PPP1R13B: variants seen among roughly 807,000 people sequenced by gnomAD.
PPP1R13B encodes apoptosis-stimulating of p53 protein 1.
PPP1R13B carries 44 observed loss-of-function variants against 119.8 expected under a neutral mutation model. That is an observed-to-expected ratio of 0.37 (90% CI 0.29 to 0.47). The LOEUF is 0.47. PPP1R13B is among the 20% of genes least tolerant of loss of function. PPP1R13B has a pLI of 0.99. For synonymous variants in PPP1R13B, 542 were observed against 561.5 expected (o/e 0.97, Z 0.49); for missense variants, 1,227 against 1,413.5 (o/e 0.87, Z 2.12).
At chr14:103,828,608 C>T (rs901032086) in intron 1 of PPP1R13B, among the ~76,000 whole-genome samples, 2 of 152,030 alleles carry the variant, frequency 1.3e-5, no homozygotes, top group Non-Finnish European at 2.9e-5. Flanking sequence ...CAGAATGCCA[C>T]GAGATCCCAC....
At chr14:103,754,561 CAAAAAAAAAAAA>C (rs771794623) in intron 5 of PPP1R13B, among the ~76,000 whole-genome samples, 10 of 41,016 alleles carry the variant, frequency 2.4e-4, no homozygotes, top group Non-Finnish European at 3.5e-4. Context: ...GACTCAGTCT[CAAAAAAAAAAAA>C]AAAAAAAAAA....
In PPP1R13B at chr14:103,753,140, T is replaced by G; in HGVS notation, c.688A>C (p.Thr230Pro). Residue 230 changes from threonine to proline, a missense_variant, in exon 7 of 17, where the codon ACT becomes CCT. Transcript: ENST00000202556. The stretch of plus-strand genomic sequence containing the variant: ...AGCTGATCAACCCTTAAAATTGCAG[T>G]CTGTACTTCCTGCTTCTTTTCCTGG... ...MFQEKKQEVQTAILRVDQLSQ... is the reference protein window; with the variant it reads ...MFQEKKQEVQPAILRVDQLSQ... 1 of 1,613,592 alleles carries G rather than the reference T, an allele frequency of 6.2e-7. No individual in the cohort carries two copies. The highest frequency in any genetic ancestry group is 8.5e-7 in the Non-Finnish European group (1 of 1,180,038).
chr14:103,806,299 A>G (rs1296086288), intron 1 of PPP1R13B, among the ~76,000 whole-genome samples: 1 of 152,192 alleles, frequency 6.6e-6, no homozygotes, highest in African/African-American at 2.4e-5. Flanking sequence ...CCAATCAGGT[A>G]AAGTATTAGA....
chr14:103,753,266 T>G (rs2084594391), intron 6 of PPP1R13B, 70 bp from the exon 7 acceptor site: 6 of 1,430,130 alleles, frequency 4.2e-6, no homozygotes, highest in Non-Finnish European at 5.7e-6. Flanking sequence ...TTCTATACAC[T>G]GAACTTAATT....
chr14:103,789,202 C>T (rs1394240745), intron 2 of PPP1R13B, among the ~76,000 whole-genome samples: 1 of 152,062 alleles, frequency 6.6e-6, no homozygotes, highest in African/African-American at 2.4e-5. Context: ...TAAAAGTGAA[C>T]TGTACTGTGT....
chr14:103,847,287 GC>G lies in PPP1R13B; in HGVS notation c.9+11del. 2.0e-6 allele frequency: 1 copy of G among 488,124 alleles called. No homozygotes were observed. The highest frequency in any genetic ancestry group is 1.5e-4 in the East Asian group (1 of 6,814). 30.2% of individuals were successfully genotyped at this position (488,124 alleles called of 1,614,324 possible). On this transcript the variant is annotated intron_variant, in intron 1 of 16. Transcript: ENST00000202556. Reference sequence around the variant, plus strand: ...AGGAAGCCGCCGCCACCTCCCGCCCGCCCTCACCCACCGGCATCATCGCGGG... The same window carrying G: ...AGGAAGCCGCCGCCACCTCCCGCCCGCCTCACCCACCGGCATCATCGCGGG...
intron 1 of PPP1R13B, among the ~76,000 whole-genome samples, chr14:103,811,711 T>C (rs1362190692): frequency 6.6e-6 from 1 of 151,986 alleles, no homozygotes; most frequent in Admixed American, 6.6e-5. Flanking sequence ...ATAAAGGACT[T>C]GTATCCTAAA....
At chr14:103,739,528 G>T (rs1235385971) in intron 12 of PPP1R13B, among the ~76,000 whole-genome samples, 1 of 152,202 alleles carries the variant, frequency 6.6e-6, no homozygotes, top group Non-Finnish European at 1.5e-5. Context: ...TCTCTCTACA[G>T]GACCTTCAGG....
At chr14:103,772,689 T>G (rs1001305978) in intron 4 of PPP1R13B, among the ~76,000 whole-genome samples, 15 of 151,852 alleles carry the variant, frequency 9.9e-5, no homozygotes, top group Non-Finnish European at 2.2e-4. Flanking sequence ...TTTTTTTTTT[T>G]TGAGACAGAG....
intron 1 of PPP1R13B, among the ~76,000 whole-genome samples, chr14:103,834,257 T>A (rs1156287767): frequency 4.6e-5 from 7 of 152,142 alleles, no homozygotes; most frequent in African/African-American, 1.4e-4. Context: ...ACGCCTGTGG[T>A]CCCAGCTGCT....
chr14:103,773,684 T>C (rs890650899), intron 4 of PPP1R13B, among the ~76,000 whole-genome samples: 6 of 152,088 alleles, frequency 3.9e-5, no homozygotes, highest in Non-Finnish European at 8.8e-5. Flanking sequence ...CAGCACAGAA[T>C]CTTCAAAGTT....
At chr14:103,804,120 TATC>T (rs759485886) in intron 1 of PPP1R13B, 15 of 892,576 alleles carry the variant, frequency 1.7e-5, no homozygotes, top group Non-Finnish European at 2.0e-5. Flanking sequence ...AGTTGGAAAA[TATC>T]ATACTAGACC....
intron 6 of PPP1R13B, among the ~76,000 whole-genome samples, chr14:103,753,658 T>TA (rs1413126767): frequency 6.6e-6 from 1 of 152,128 alleles, no homozygotes; most frequent in African/African-American, 2.4e-5. Context: ...TCTGAATGAG[T>TA]AAGTCTTGGA....
chr14:103,787,939 C>T (rs1450544125), intron 2 of PPP1R13B, among the ~76,000 whole-genome samples: 2 of 151,862 alleles, frequency 1.3e-5, no homozygotes, highest in East Asian at 1.9e-4. Flanking sequence ...CGTGAGCCGC[C>T]GCGCCCAGCC....
At chr14:103,827,770 G>A (rs1446084255) in intron 1 of PPP1R13B, among the ~76,000 whole-genome samples, 1 of 151,662 alleles carries the variant, frequency 6.6e-6, no homozygotes, top group Non-Finnish European at 1.5e-5. Context: ...ACAAAACACT[G>A]AGGTTCATTT....
At chr14:103,814,369 T>A (rs1250896996) in intron 1 of PPP1R13B, among the ~76,000 whole-genome samples, 1 of 151,664 alleles carries the variant, frequency 6.6e-6, no homozygotes, top group Non-Finnish European at 1.5e-5. Context: ...AATAAATAAA[T>A]AAATAAAATA....
intron 1 of PPP1R13B, among the ~76,000 whole-genome samples, chr14:103,808,219 G>A (rs1038273142): frequency 4.0e-5 from 6 of 151,652 alleles, no homozygotes; most frequent in East Asian, 1.9e-4. Context: ...ACGCCAGCCC[G>A]GGCGACAGTG....
intron 12 of PPP1R13B, 126 bp from the exon 13 acceptor site, chr14:103,739,149 G>A: frequency 7.5e-7 from 1 of 1,338,176 alleles, no homozygotes; most frequent in African/African-American, 1.5e-5. Flanking sequence ...CAGCCCTGGA[G>A]TGGTAGCAGT....
intron 1 of PPP1R13B, among the ~76,000 whole-genome samples, chr14:103,807,341 T>C (rs574897757): frequency 6.6e-6 from 1 of 152,288 alleles, no homozygotes; most frequent in Admixed American, 6.5e-5. Flanking sequence ...CACCACCTGA[T>C]CTATGTATAT....
Sources: gnomAD v4.1 joint callset for allele counts (sites outside exome capture counted in the v4.1 genomes callset) on GRCh38, gnomAD v4.1.1 for gene constraint, MANE v1.5 for transcripts, NCBI Gene and HGNC (gene_info 2026-07-23, HGNC 2026-07-21) for gene names.